Variants in RNF4 observed in about 807,000 individuals in gnomAD.
The protein encoded by RNF4 is ring finger protein 4, also known as E3 ubiquitin-protein ligase RNF4.
In RNF4, 7 loss-of-function variants were observed where a neutral mutation model predicts 24.3. The ratio of observed to expected loss-of-function variants is 0.29; its 90% CI spans 0.16 to 0.54. The LOEUF (loss-of-function observed/expected upper bound fraction) is 0.54. RNF4 is among the 20% of genes least tolerant of loss of function. RNF4 has a pLI of 0.95. For missense variants in RNF4, 209 were observed against 248.5 expected, an observed-to-expected ratio of 0.84 and a Z score of 1.07; for synonymous variants, 83 against 84.3, an observed-to-expected ratio of 0.98 and a Z score of 0.09.
intron 4 of RNF4, 45 bp downstream of exon 4, chr4:2,500,783 C>A: frequency 6.3e-7 from 1 of 1,583,256 alleles, no homozygotes; most frequent in Non-Finnish European, 8.7e-7. Flanking sequence ...GGGTATGGGT[C>A]CCTGGCCAGT....
At chr4:2,486,595 T>C (rs921795353) in intron 1 of RNF4, among the ~76,000 whole-genome samples, 2 of 152,164 alleles carry the variant, frequency 1.3e-5, no homozygotes, top group African/African-American at 2.4e-5. Context: ...CCAGAAAGCT[T>C]CCCAGGGAAG....
At chr4:2,480,957 A>C (rs185698108) in intron 1 of RNF4, 36 of 152,346 alleles carry the variant, frequency 2.4e-4, no homozygotes, top group African/African-American at 8.4e-4. Flanking sequence ...GAACCACTTG[A>C]GAGTTTGCTG....
intron 1 of RNF4, among the ~76,000 whole-genome samples, chr4:2,482,173 C>T (rs148442319): frequency 1.3e-5 from 2 of 152,206 alleles, no homozygotes; most frequent in African/African-American, 2.4e-5. Flanking sequence ...GATTAGGCCC[C>T]CTCTGGTGTG....
chr4:2,471,485 G>A (rs1329145743), intron 1 of RNF4, among the ~76,000 whole-genome samples: 2 of 138,614 alleles, frequency 1.4e-5, no homozygotes, highest in Admixed American at 7.3e-5. Context: ...ACAGTGTCCA[G>A]GCAAAAGGAG....
chr4:2,508,654 A>G (rs535795124), intron 4 of RNF4, among the ~76,000 whole-genome samples: 1 of 152,280 alleles, frequency 6.6e-6, no homozygotes, highest in South Asian at 2.1e-4. Flanking sequence ...CTTGTTGCCC[A>G]GGCTGGAGTG....
rs61790179 is a variant in RNF4 at position 2,484,513 on chromosome 4, A to G, written c.-157-5824A>G. On this transcript the variant is annotated intron_variant, in intron 1 of 7. Coordinates refer to ENST00000314289, the MANE Select transcript of RNF4 (RefSeq NM_002938.5). ...ACAGTGTTTCATTTAGAATTTTTCAACTTATGATTTATTGGGAGTTAGCCC... is the reference window on the plus strand; with the variant it reads ...ACAGTGTTTCATTTAGAATTTTTCAGCTTATGATTTATTGGGAGTTAGCCC... Among the ~76,000 whole-genome samples the G allele has an allele frequency of 6.5e-3, 989 of 152,118 alleles. 5 individuals are homozygous for G. Among genetic ancestry groups the G allele is most frequent in the Non-Finnish European group, 0.011 (754 of 67,998 alleles).
rs892836099 is a variant in RNF4 at position 2,469,184 on chromosome 4, TC to T, written c.-230del. The stretch of plus-strand genomic sequence containing the variant: ...GGGCGGCTGAAGAAGGAGCTTCTTC[TC>T]CGGAGTGCGCCGGCGGTGGCGCCTG... On this transcript the variant is annotated 5_prime_UTR_variant, in exon 1 of 8. Transcript: ENST00000314289. The T allele has an allele frequency of 6.6e-6, 1 of 152,198 alleles. No individual in the cohort carries two copies. The highest frequency in any genetic ancestry group is 2.4e-5 in the African/African-American group (1 of 41,448). 9.4% of individuals were successfully genotyped at this position (152,198 alleles called of 1,614,324 possible).
At position 2,513,641 on chromosome 4, in the gene RNF4, C is replaced by T. The variant is rs747193076; in HGVS notation, c.424-29C>T. The T allele has an allele frequency of 3.2e-5, 52 of 1,611,282 alleles. 2 individuals are homozygous for T. The South Asian group carries it at 5.2e-4, about 16-fold the overall frequency. On this transcript the variant is annotated intron_variant, in intron 7 of 7. Coordinates refer to ENST00000314289, the MANE Select transcript of RNF4 (RefSeq NM_002938.5). ...GGCTGCTCTGGGACAAGGGCAAACTCGGAGGCTCTTCTTTTTAATGCCTTC... is the reference window on the plus strand; with the variant it reads ...GGCTGCTCTGGGACAAGGGCAAACTTGGAGGCTCTTCTTTTTAATGCCTTC...
chr4:2,501,574 G>A (rs937174493), intron 4 of RNF4, among the ~76,000 whole-genome samples: 1 of 152,254 alleles, frequency 6.6e-6, no homozygotes, highest in Non-Finnish European at 1.5e-5. Context: ...GTTTCATGGT[G>A]CATGCAGGTC....
chr4:2,494,026 A>G (rs1735659939), intron 2 of RNF4, among the ~76,000 whole-genome samples: 1 of 151,642 alleles, frequency 6.6e-6, no homozygotes, highest in South Asian at 2.1e-4. Context: ...TGTTATTAGT[A>G]GAGACGGGGT....
At chr4:2,489,205 G>T (rs1420900885) in intron 1 of RNF4, among the ~76,000 whole-genome samples, 1 of 152,224 alleles carries the variant, frequency 6.6e-6, no homozygotes, top group Non-Finnish European at 1.5e-5. Flanking sequence ...TAGGAGTTAG[G>T]CCTTGATAAG....
At chr4:2,504,374 CTT>C (rs1736003796) in intron 4 of RNF4, among the ~76,000 whole-genome samples, 3 of 152,132 alleles carry the variant, frequency 2.0e-5, no homozygotes, top group African/African-American at 2.4e-5. Context: ...CTCATGGCCA[CTT>C]TTAATTTTAG....
chr4:2,491,306 G>A (rs1484679361), intron 2 of RNF4, among the ~76,000 whole-genome samples: 1 of 151,798 alleles, frequency 6.6e-6, no homozygotes, highest in African/African-American at 2.4e-5. Flanking sequence ...GCCCGACCTC[G>A]GCTCACTGCA....
At chr4:2,513,432 C>A (rs1206947266) in intron 7 of RNF4, among the ~76,000 whole-genome samples, 1 of 152,186 alleles carries the variant, frequency 6.6e-6, no homozygotes, top group Non-Finnish European at 1.5e-5. Flanking sequence ...TTACTGGGGT[C>A]CCTCATAACC....
chr4:2,491,012 C>T (rs542527914), intron 2 of RNF4, among the ~76,000 whole-genome samples: 1 of 152,190 alleles, frequency 6.6e-6, no homozygotes, highest in South Asian at 2.1e-4. Context: ...TCCTTGAGCC[C>T]AAGAGTTCAA....
At chr4:2,490,955 G>A (rs1455112992) in intron 2 of RNF4, among the ~76,000 whole-genome samples, 1 of 152,146 alleles carries the variant, frequency 6.6e-6, no homozygotes, top group Non-Finnish European at 1.5e-5. Flanking sequence ...AGGCGTGGTG[G>A]GGCGCACCTG....
intron 4 of RNF4, among the ~76,000 whole-genome samples, chr4:2,507,063 G>A: frequency 6.6e-6 from 1 of 152,112 alleles, no homozygotes; most frequent in East Asian, 1.9e-4. Flanking sequence ...GATTTTTCTG[G>A]AATCTTTTTT....
At chr4:2,502,937 A>C (rs1041686595) in intron 4 of RNF4, among the ~76,000 whole-genome samples, 4 of 152,018 alleles carry the variant, frequency 2.6e-5, no homozygotes, top group Non-Finnish European at 4.4e-5. Context: ...TGCAGCCTCC[A>C]ACCCCTGAGC....
chr4:2,478,724 T>C (rs1012799866), intron 1 of RNF4, among the ~76,000 whole-genome samples: 4 of 152,256 alleles, frequency 2.6e-5, no homozygotes, highest in African/African-American at 9.6e-5. Flanking sequence ...AACACCTGGA[T>C]GCCCAGGCAG....
Sources: gnomAD v4.1 joint callset for allele counts (sites outside exome capture counted in the v4.1 genomes callset) on GRCh38, gnomAD v4.1.1 for gene constraint, MANE v1.5 for transcripts, NCBI Gene and HGNC (gene_info 2026-07-23, HGNC 2026-07-21) for gene names.